The following DAGLB variants were observed in gnomAD, a reference collection of about 807,000 sequenced individuals.
DAGLB encodes the protein diacylglycerol lipase beta.
In DAGLB, 66 loss-of-function variants were observed where a neutral mutation model predicts 72.1. The ratio of observed to expected loss-of-function variants is 0.92; its 90% CI spans 0.75 to 1.12. The LOEUF (loss-of-function observed/expected upper bound fraction) is 1.12. Ranked by LOEUF, DAGLB falls within the 50% of genes most tolerant of loss-of-function variation. The pLI, the probability that DAGLB is intolerant of heterozygous loss-of-function variation, is 0.00. For synonymous variants in DAGLB, 414 were observed against 359.5 expected (o/e 1.15, Z -1.71); for missense variants, 1,065 against 884.9 (o/e 1.20, Z -2.58).
At chr7:6,419,324 A>G (rs1470177472) in intron 9 of DAGLB, among the ~76,000 whole-genome samples, 2 of 152,060 alleles carry the variant, frequency 1.3e-5, no homozygotes, top group Non-Finnish European at 2.9e-5. Flanking sequence ...AAATTACCAG[A>G]TGCCCTTTCT....
At chr7:6,432,624 C>A (rs1218434721) in intron 5 of DAGLB, among the ~76,000 whole-genome samples, 1 of 142,962 alleles carries the variant, frequency 7.0e-6, no homozygotes, top group Non-Finnish European at 1.5e-5. Context: ...TGTGCCACTG[C>A]ACTCCAGCCT....
chr7:6,411,086 G>A (rs1007201860), intron 13 of DAGLB, among the ~76,000 whole-genome samples: 27 of 151,576 alleles, frequency 1.8e-4, no homozygotes, highest in East Asian at 9.8e-4. Context: ...GGGTTTCACC[G>A]TGGTCTCTAT....
At chr7:6,424,682 C>T in intron 8 of DAGLB, 70 bp downstream of exon 8, 1 of 1,470,920 alleles carries the variant, frequency 6.8e-7, no homozygotes, top group Non-Finnish European at 9.5e-7. Flanking sequence ...CGGATTTCCC[C>T]AGCCGAGCAG....
chr7:6,410,925 C>T (rs549167999), intron 13 of DAGLB, among the ~76,000 whole-genome samples: 47 of 143,590 alleles, frequency 3.3e-4, no homozygotes, highest in African/African-American at 1.2e-3. Flanking sequence ...CACTCTGTTG[C>T]CCAGGCTGGA....
Position 6,430,524 on chromosome 7 carries a change from G to A in DAGLB, c.885C>T (p.Ile295=). 2.5e-6 allele frequency: 4 copies of A among 1,601,002 alleles called. No homozygotes were observed. Among genetic ancestry groups the A allele is most frequent in the Non-Finnish European group, 3.4e-6 (4 of 1,171,346 alleles). ...ACAGCCCCGTGAGGGGGTTTCTGTA[G>A]ATGTAGAGGGGCCACCCATAGGCCG... ...AAAAYGWPLY[I]YRNPLTGLCR... Residue 295 remains isoleucine, a synonymous_variant, in exon 6 of 15, where the codon ATC becomes ATT. Coordinates refer to ENST00000297056, the MANE Select transcript of DAGLB (RefSeq NM_139179.4).
chr7:6,445,749 C>T lies in DAGLB; in HGVS notation c.247+204G>A. 9.9e-6 allele frequency: 5 copies of T among 504,298 alleles called. 1 individual carries two copies. In the South Asian group the frequency reaches 1.7e-4, roughly 17 times the overall value. The allele number at this position is 504,298 out of a possible 1,614,324, so 31.2% of individuals were successfully genotyped here. The stretch of plus-strand genomic sequence containing the variant: ...AAGTGCTGGGATTACAGGTGTGAGC[C>T]ACTGTGTCCCGCCTGGTACAGGATT... On this transcript the variant is annotated intron_variant, in intron 2 of 14. Transcript: ENST00000297056.
intron 2 of DAGLB, among the ~76,000 whole-genome samples, chr7:6,436,957 C>A (rs996770908): frequency 6.6e-6 from 1 of 151,854 alleles, no homozygotes; most frequent in African/African-American, 2.4e-5. Context: ...CGAGACCAGC[C>A]TGGCCAACAT....
At chr7:6,442,264 T>C (rs987082682) in intron 2 of DAGLB, among the ~76,000 whole-genome samples, 9 of 151,992 alleles carry the variant, frequency 5.9e-5, no homozygotes, top group Non-Finnish European at 8.8e-5. Context: ...GGCTGTGGGA[T>C]AGACAACCCA....
At position 6,409,666 on chromosome 7, in the gene DAGLB, C is replaced by G. The variant is rs758542007; in HGVS notation, c.*171G>C. 5 of 803,532 alleles carry G rather than the reference C, an allele frequency of 6.2e-6. No homozygotes were observed. The highest frequency in any genetic ancestry group is 9.6e-6 in the Non-Finnish European group (5 of 519,764). 49.8% of individuals were successfully genotyped at this position (803,532 alleles called of 1,614,324 possible). On this transcript the variant is annotated 3_prime_UTR_variant, in exon 15 of 15. Transcript: ENST00000297056. Reference sequence around the variant, plus strand: ...ACTACTTCTGCTACCATTATGGCCACAATGACTTCCCATAAACTTAAGTCA... The same window carrying G: ...ACTACTTCTGCTACCATTATGGCCAGAATGACTTCCCATAAACTTAAGTCA...
chr7:6,434,135 T>A (rs1415085806), intron 4 of DAGLB, among the ~76,000 whole-genome samples: 1 of 151,936 alleles, frequency 6.6e-6, no homozygotes, highest in Non-Finnish European at 1.5e-5. Context: ...CTGGCAGGTG[T>A]GCAGGATAAG....
At chr7:6,422,937 T>C (rs1784179230) in intron 8 of DAGLB, 1 of 152,296 alleles carries the variant, frequency 6.6e-6, no homozygotes, top group African/African-American at 2.4e-5. Context: ...GGGAAGCCAC[T>C]GGAGGTATCT....
chr7:6,433,851 C>CA (rs35042230), intron 4 of DAGLB, among the ~76,000 whole-genome samples: 1,321 of 127,826 alleles, frequency 0.01, 20 homozygotes, highest in African/African-American at 0.03. Context: ...GACCTTGTCT[C>CA]AAAAAAAAAA....
rs911744727 is a variant in DAGLB at position 6,409,498 on chromosome 7, C to T, written c.*339G>A. On this transcript the variant is annotated 3_prime_UTR_variant, in exon 15 of 15. Coordinates refer to ENST00000297056, the MANE Select transcript of DAGLB (RefSeq NM_139179.4). ...GGGTGGGAGGCTAAGGAACTGTTCACGGTCTTCTGGGTGGGCCCTGGATTC... is the reference window on the plus strand; with the variant it reads ...GGGTGGGAGGCTAAGGAACTGTTCATGGTCTTCTGGGTGGGCCCTGGATTC... 16 of 334,874 alleles carry T rather than the reference C, an allele frequency of 4.8e-5. No individual in the cohort carries two copies. Among genetic ancestry groups the T allele is most frequent in the East Asian group, 1.3e-4 (2 of 15,106 alleles). The allele number at this position is 334,874 out of a possible 1,614,324, so 20.7% of individuals were successfully genotyped here.
At chr7:6,431,068 G>A (rs1475081378) in intron 5 of DAGLB, among the ~76,000 whole-genome samples, 1 of 151,988 alleles carries the variant, frequency 6.6e-6, no homozygotes, top group Non-Finnish European at 1.5e-5. Context: ...GAGCCACCAC[G>A]CCCAGCCTGA....
In DAGLB at chr7:6,446,069, C is replaced by G; in HGVS notation, c.131G>C (p.Arg44Thr). ...TCCACCAGCACAGTCCAGCTTTCCTCTGTGCATGAGATACAACGTCAGAAT... is the reference window on the plus strand; with the variant it reads ...TCCACCAGCACAGTCCAGCTTTCCTGTGTGCATGAGATACAACGTCAGAAT... ...IGILTLYLMH[R>T]GKLDCAGGAL... The change falls in exon 2 of 15, where the codon AGA becomes ACA. Residue 44 changes from arginine (R) to threonine (T), a missense_variant. Coordinates refer to ENST00000297056, the MANE Select transcript of DAGLB (RefSeq NM_139179.4). The G allele has an allele frequency of 6.2e-7, 1 of 1,610,018 alleles. No individual in the cohort carries two copies. The highest frequency in any genetic ancestry group is 8.5e-7 in the Non-Finnish European group (1 of 1,179,000).
rs1269288487 is a variant in DAGLB at position 6,409,902 on chromosome 7, C to A, written c.1954G>T (p.Val652Phe). 1.2e-6 allele frequency: 2 copies of A among 1,614,112 alleles called. No individual in the cohort carries two copies. The highest frequency in any genetic ancestry group is 2.2e-5 in the East Asian group (1 of 44,874). The change falls in exon 15 of 15, where the codon GTC (valine) becomes TTC (phenylalanine). Residue 652 changes from valine to phenylalanine, a missense_variant. Physicochemically the swap from Val to Phe is conservative, Grantham distance 50. Coordinates refer to ENST00000297056, the MANE Select transcript of DAGLB (RefSeq NM_139179.4). The part of the protein sequence containing the change: ...DILMRALDSV[V>F]SDRAACVSCP... ...GAGACGCAGGCCGCTCTGTCGGAGA[C>A]CACGCTGTCCAAGGCCCGCATCAGG...
At chr7:6,421,853 G>A (rs1428764490) in intron 8 of DAGLB, 49 bp from the exon 9 acceptor site, 5 of 1,590,544 alleles carry the variant, frequency 3.1e-6, no homozygotes, top group Admixed American at 1.7e-5. Context: ...GATGGGCAGG[G>A]TGGGAGAATG....
At chr7:6,416,516 C>T in intron 11 of DAGLB, 111 bp downstream of exon 11, 1 of 1,480,838 alleles carries the variant, frequency 6.8e-7, no homozygotes, top group South Asian at 1.4e-5. Flanking sequence ...GCACTCCAGC[C>T]TGGGCGACAG....
chr7:6,432,415 T>C (rs1380529307), intron 5 of DAGLB, among the ~76,000 whole-genome samples: 3 of 148,100 alleles, frequency 2.0e-5, no homozygotes, highest in Non-Finnish European at 4.5e-5. Flanking sequence ...CCCAGCACTT[T>C]GGGAGGCTGA....
Sources: allele counts gnomAD v4.1 joint callset (sites outside exome capture counted in the v4.1 genomes callset), GRCh38; gene constraint gnomAD v4.1.1; transcripts MANE v1.5; gene names NCBI Gene and HGNC (gene_info 2026-07-23, HGNC 2026-07-21).